Variants in GPC5 observed in about 807,000 individuals in gnomAD.
GPC5 encodes the protein glypican-5.
Under a neutral mutation model 53.9 loss-of-function variants are expected in GPC5, and 47 were observed. That is an observed-to-expected ratio of 0.87 (90% confidence interval 0.69 to 1.11). The LOEUF (loss-of-function observed/expected upper bound fraction) is 1.11. Ranked by LOEUF, GPC5 falls within the 50% of genes most tolerant of loss-of-function variation. GPC5 has a pLI of 0.00. For synonymous variants in GPC5, 286 were observed against 263.3 expected (o/e 1.09, Z -0.84); for missense variants, 748 against 713.1 (o/e 1.05, Z -0.56).
intron 2 of GPC5, among the ~76,000 whole-genome samples, chr13:91,458,592 TA>T (rs974765338): frequency 2.0e-5 from 3 of 150,706 alleles, no homozygotes; most frequent in Non-Finnish European, 4.4e-5. Flanking sequence ...AATTAAAAAA[TA>T]AAAAAAAATA....
At chr13:92,754,772 A>G (rs534127231) in intron 7 of GPC5, among the ~76,000 whole-genome samples, 283 of 151,518 alleles carry the variant, frequency 1.9e-3, no homozygotes, top group African/African-American at 6.6e-3. Flanking sequence ...TTCAACAAGA[A>G]GAGCTAACTA....
chr13:92,331,487 A>G (rs1215791628), intron 7 of GPC5, among the ~76,000 whole-genome samples: 2 of 152,172 alleles, frequency 1.3e-5, no homozygotes, highest in Admixed American at 6.5e-5. Context: ...TGTATTCATG[A>G]TAATGTTAAT....
At chr13:92,258,995 A>T (rs954692006) in intron 7 of GPC5, among the ~76,000 whole-genome samples, 4 of 152,220 alleles carry the variant, frequency 2.6e-5, no homozygotes, top group Non-Finnish European at 2.9e-5. Flanking sequence ...GTCTTGTGAG[A>T]TAGAATGAAT....
At chr13:91,416,931 T>C (rs1027729291) in intron 1 of GPC5, among the ~76,000 whole-genome samples, 1 of 152,198 alleles carries the variant, frequency 6.6e-6, no homozygotes, top group African/African-American at 2.4e-5. Flanking sequence ...TTTATTTTCG[T>C]TGGGAAAATG....
intron 7 of GPC5, among the ~76,000 whole-genome samples, chr13:92,567,496 T>A (rs1284498706): frequency 6.6e-6 from 1 of 152,140 alleles, no homozygotes. Flanking sequence ...AAAAATGGCA[T>A]GAATGCTGTG....
chr13:92,598,854 T>G (rs1883956892), intron 7 of GPC5, among the ~76,000 whole-genome samples: 1 of 152,138 alleles, frequency 6.6e-6, no homozygotes, highest in Non-Finnish European at 1.5e-5. Flanking sequence ...TCGTCTCTAC[T>G]AAGAATACAA....
chr13:92,613,986 A>G (rs759167899), intron 7 of GPC5, among the ~76,000 whole-genome samples: 45 of 152,136 alleles, frequency 3.0e-4, no homozygotes, highest in Non-Finnish European at 6.2e-4. Flanking sequence ...CTAGAATTTA[A>G]GACTGAATGG....
intron 6 of GPC5, among the ~76,000 whole-genome samples, chr13:91,989,685 T>A (rs763134517): frequency 3.3e-5 from 5 of 152,198 alleles, no homozygotes; most frequent in African/African-American, 4.8e-5. Context: ...GTGTTCTGGT[T>A]CAATAAGCAA....
intron 1 of GPC5, 53 bp from the exon 2 acceptor site, chr13:91,448,708 T>C (rs778500286): frequency 1.3e-6 from 2 of 1,574,738 alleles, no homozygotes; most frequent in East Asian, 4.5e-5. Context: ...ATATAATATG[T>C]AATACTTGTT....
At chr13:92,663,886 A>G (rs1456957058) in intron 7 of GPC5, among the ~76,000 whole-genome samples, 6 of 66,048 alleles carry the variant, frequency 9.1e-5, no homozygotes, top group Non-Finnish European at 1.4e-4. Flanking sequence ...ATATATATAT[A>G]TATATATATA....
At chr13:92,086,848 G>A (rs144806608) in intron 6 of GPC5, among the ~76,000 whole-genome samples, 8,136 of 152,044 alleles carry the variant, frequency 0.054, 733 homozygotes, top group African/African-American at 0.19. Flanking sequence ...TAGTAGGGAT[G>A]GGGTTTCACC....
intron 5 of GPC5, among the ~76,000 whole-genome samples, chr13:91,801,253 T>TTGTGTGTGTGTGTGTG (rs71113762): frequency 2.5e-4 from 37 of 146,398 alleles, no homozygotes; most frequent in South Asian, 2.3e-4. Context: ...CATCCATACT[T>TTGTGTGTGTGTGTGTG]TGTGTGTGTG....
Position 91,811,891 on chromosome 13 carries a change from A to T in GPC5, c.1280+55471A>T, listed in dbSNP as rs1281345260. On this transcript the variant is annotated intron_variant, in intron 5 of 7. Coordinates refer to ENST00000377067, the MANE Select transcript of GPC5 (RefSeq NM_004466.6). ...CTTTCCTGAATTATGTTACTACATC[A>T]CAGCGAAGATCTAAATACACTTCAA... 2.0e-5 allele frequency among the ~76,000 whole-genome samples: 3 copies of T among 152,348 alleles called. No individual in the cohort carries two copies. In the East Asian group the frequency reaches 5.8e-4, roughly 29 times the overall value.
chr13:92,644,060 G>T (rs1470588156), intron 7 of GPC5, among the ~76,000 whole-genome samples: 2 of 152,150 alleles, frequency 1.3e-5, no homozygotes, highest in African/African-American at 2.4e-5. Flanking sequence ...GTAGGAGGAG[G>T]ATTACTACAA....
intron 7 of GPC5, among the ~76,000 whole-genome samples, chr13:92,279,608 T>C (rs1306027182): frequency 2.0e-5 from 3 of 151,976 alleles, no homozygotes; most frequent in African/African-American, 7.2e-5. Flanking sequence ...GGCTGGGTAT[T>C]TTTTTATTAT....
intron 7 of GPC5, among the ~76,000 whole-genome samples, chr13:92,672,123 T>A (rs769734856): frequency 4.9e-4 from 74 of 151,608 alleles, no homozygotes; most frequent in Middle Eastern, 3.4e-3. Flanking sequence ...TTGTTGGGTA[T>A]TTTTTTTACT....
chr13:92,128,236 T>G (rs193203949), intron 6 of GPC5, among the ~76,000 whole-genome samples: 1 of 152,312 alleles, frequency 6.6e-6, no homozygotes, highest in African/African-American at 2.4e-5. Flanking sequence ...ACCTGAGCCC[T>G]ACAGGCCAAA....
intron 7 of GPC5, among the ~76,000 whole-genome samples, chr13:92,842,060 G>A (rs576618859): frequency 6.6e-6 from 1 of 152,070 alleles, no homozygotes; most frequent in African/African-American, 2.4e-5. Context: ...TTTTCTCTAG[G>A]AAGTAGCTTT....
chr13:92,543,424 A>T (rs951082410), intron 7 of GPC5, among the ~76,000 whole-genome samples: 1 of 112,248 alleles, frequency 8.9e-6, no homozygotes, highest in Non-Finnish European at 1.9e-5. Context: ...ATTTATTTTG[A>T]TGTTTTTTTT....
Sources: gnomAD v4.1 joint callset for allele counts (sites outside exome capture counted in the v4.1 genomes callset) on GRCh38, gnomAD v4.1.1 for gene constraint, MANE v1.5 for transcripts, NCBI Gene and HGNC (gene_info 2026-07-23, HGNC 2026-07-21) for gene names.